Variants in VWA3A observed in about 807,000 individuals in gnomAD.
The protein encoded by VWA3A is von Willebrand factor A domain-containing protein 3A.
In VWA3A, 134 loss-of-function variants were observed where a neutral mutation model predicts 160.4. The observed-to-expected ratio is 0.84, with a 90% CI of 0.73 to 0.96. The LOEUF (loss-of-function observed/expected upper bound fraction) is 0.96, where lower values mean the gene tolerates loss of function less well. Ranked by LOEUF, VWA3A falls within the 40% of genes least tolerant of loss-of-function variation. VWA3A has a pLI of 0.00. For missense variants in VWA3A, 1,310 were observed against 1,447.9 expected (o/e 0.90, Z 1.55); for synonymous variants, 476 against 543.4 (o/e 0.88, Z 1.72).
intron 24 of VWA3A, 58 bp from the exon 25 acceptor site, chr16:22,142,610 G>C: frequency 7.4e-7 from 1 of 1,343,634 alleles, no homozygotes; most frequent in African/African-American, 1.4e-5. Context: ...CATTTCATGA[G>C]GTTTGCAGGG....
intron 31 of VWA3A, among the ~76,000 whole-genome samples, chr16:22,153,296 T>C (rs972268149): frequency 1.3e-5 from 2 of 152,222 alleles, no homozygotes; most frequent in African/African-American, 4.8e-5. Flanking sequence ...TCAGCCGAGA[T>C]TGCGCCACTG....
chr16:22,113,342 C>G, intron 8 of VWA3A, among the ~76,000 whole-genome samples: 1 of 142,966 alleles, frequency 7.0e-6, no homozygotes, highest in Middle Eastern at 3.6e-3. Context: ...CAGGTGTGCT[C>G]CACAATGCCT....
intron 21 of VWA3A, 50 bp downstream of exon 21, chr16:22,134,488 C>A (rs748973486): frequency 3.2e-5 from 47 of 1,465,266 alleles, no homozygotes; most frequent in Non-Finnish European, 2.8e-6. Context: ...GTATTCATTT[C>A]CTGGGGCTAC....
chr16:22,103,826 T>C (rs1052157628), intron 6 of VWA3A, among the ~76,000 whole-genome samples: 2 of 152,164 alleles, frequency 1.3e-5, no homozygotes, highest in African/African-American at 4.8e-5. Context: ...CACTTCCTGT[T>C]CCCTGCACAA....
rs982827914 is a variant in VWA3A at position 22,099,475 on chromosome 16, C to T, written c.226-719C>T. Among the ~76,000 whole-genome samples, 4 of 152,338 alleles carry T rather than the reference C, an allele frequency of 2.6e-5. No homozygotes were observed. In the East Asian group the frequency reaches 7.7e-4, roughly 29 times the overall value. On this transcript the variant is annotated intron_variant, in intron 3 of 33. Coordinates refer to ENST00000389398, the MANE Select transcript of VWA3A (RefSeq NM_173615.5). Reference sequence around the variant, plus strand: ...CTGATTACCTAAATTATCTGTACCTCAGTTCCCTGGTCAGCAAGATGGGGT... The same window carrying T: ...CTGATTACCTAAATTATCTGTACCTTAGTTCCCTGGTCAGCAAGATGGGGT...
intron 31 of VWA3A, among the ~76,000 whole-genome samples, chr16:22,154,781 C>T (rs973995176): frequency 4.7e-5 from 7 of 149,000 alleles, no homozygotes; most frequent in African/African-American, 1.7e-4. Context: ...GGTGAAACCC[C>T]GTCTCTACTA....
intron 6 of VWA3A, among the ~76,000 whole-genome samples, chr16:22,107,290 C>A (rs1311559787): frequency 6.6e-6 from 1 of 152,182 alleles, no homozygotes; most frequent in African/African-American, 2.4e-5. Flanking sequence ...TTGTTACCTA[C>A]ATCTAGTTTA....
intron 22 of VWA3A, among the ~76,000 whole-genome samples, chr16:22,139,571 G>A (rs966500972): frequency 1.3e-5 from 2 of 152,132 alleles, no homozygotes; most frequent in Admixed American, 1.3e-4. Context: ...GCGGGTGCCT[G>A]TAATCCCAGC....
chr16:22,152,072 G>A (rs991394859), intron 30 of VWA3A, among the ~76,000 whole-genome samples: 4 of 152,306 alleles, frequency 2.6e-5, no homozygotes, highest in East Asian at 1.9e-4. Context: ...TGAGCCGGGC[G>A]TGGTGGCAGG....
chr16:22,123,641 A>C lies in VWA3A; in HGVS notation c.1466A>C (p.Tyr489Ser). The change falls in exon 16 of 34, where the codon TAT becomes TCT. Residue 489 changes from tyrosine (Y) to serine (S), a missense_variant. By Grantham distance (144) the Tyr-to-Ser change is moderately radical. Transcript: ENST00000389398. ...CAGCTCAGCAGAGCTATGCGGATGT[A>C]TGAGAGGCGGATTGAGTGGCTCTCC... ...QQQLSRAMRM[Y>S]ERRIEWLSLA... 9 of 1,613,974 alleles carry C rather than the reference A, an allele frequency of 5.6e-6. No homozygotes were observed. The highest frequency in any genetic ancestry group is 6.8e-6 in the Non-Finnish European group (8 of 1,179,874).
At chr16:22,100,964 CAA>C (rs59096934) in intron 5 of VWA3A, among the ~76,000 whole-genome samples, 49 of 60,752 alleles carry the variant, frequency 8.1e-4, no homozygotes, top group Admixed American at 1.5e-3. Context: ...GACCCTGTCT[CAA>C]AAAAAAAAAA....
intron 21 of VWA3A, among the ~76,000 whole-genome samples, chr16:22,136,481 T>C (rs2046042760): frequency 1.3e-5 from 2 of 151,860 alleles, no homozygotes; most frequent in African/African-American, 4.8e-5. Context: ...TTTAGGGCAG[T>C]TCAAGCCACA....
At position 22,155,522 on chromosome 16, in the gene VWA3A, GC is replaced by G. The variant is rs757401942; in HGVS notation, c.3406-44del. ...CTTTTCCTGAGATTTTGGATTTTCA[GC>G]TCCCATCCAGTCATAAACTTCACAC... On this transcript the variant is annotated intron_variant, in intron 31 of 33. Transcript: ENST00000389398. The G allele has an allele frequency of 1.9e-6, 3 of 1,571,246 alleles. 1 individual carries two copies. The East Asian group carries it at 6.7e-5, about 35-fold the overall frequency.
chr16:22,141,735 C>T, intron 24 of VWA3A, 43 bp downstream of exon 24: 1 of 1,529,940 alleles, frequency 6.5e-7, no homozygotes, highest in East Asian at 2.4e-5. Context: ...CCCCCTGGCC[C>T]TGGGGGAGCT....
At chr16:22,122,855 C>T (rs892803686) in intron 14 of VWA3A, among the ~76,000 whole-genome samples, 1 of 152,074 alleles carries the variant, frequency 6.6e-6, no homozygotes, top group Non-Finnish European at 1.5e-5. Context: ...TTCAGGGGAT[C>T]ACTCTCTCTA....
chr16:22,137,535 T>G (rs1319973763), intron 21 of VWA3A, among the ~76,000 whole-genome samples: 1 of 152,242 alleles, frequency 6.6e-6, no homozygotes, highest in African/African-American at 2.4e-5. Context: ...AATAGATCTG[T>G]GGCCAGATAT....
chr16:22,100,950 G>A (rs2045399205), intron 5 of VWA3A, among the ~76,000 whole-genome samples: 1 of 148,004 alleles, frequency 6.8e-6, no homozygotes. Context: ...GGGCAATAGA[G>A]TGGGACCCTG....
intron 30 of VWA3A, among the ~76,000 whole-genome samples, chr16:22,152,072 G>T (rs991394859): frequency 6.6e-6 from 1 of 152,190 alleles, no homozygotes; most frequent in Admixed American, 6.5e-5. Flanking sequence ...TGAGCCGGGC[G>T]TGGTGGCAGG....
chr16:22,135,810 G>C (rs1401315896), intron 21 of VWA3A, among the ~76,000 whole-genome samples: 1 of 151,874 alleles, frequency 6.6e-6, no homozygotes, highest in East Asian at 1.9e-4. Context: ...GTTTTTTTGA[G>C]ACAGAGTCTC....
Sources: allele counts gnomAD v4.1 joint callset (sites outside exome capture counted in the v4.1 genomes callset), GRCh38; gene constraint gnomAD v4.1.1; transcripts MANE v1.5; gene names NCBI Gene and HGNC (gene_info 2026-07-23, HGNC 2026-07-21).